DDAH1: variants seen among roughly 807,000 people sequenced by gnomAD.
The protein encoded by DDAH1 is N(G),N(G)-dimethylarginine dimethylaminohydrolase 1.
DDAH1 carries 19 observed loss-of-function variants against 28.8 expected under a neutral mutation model. The ratio of observed to expected loss-of-function variants is 0.66; its 90% confidence interval spans 0.46 to 0.97. The LOEUF is 0.97. Ranked by LOEUF, DDAH1 falls within the 50% of genes least tolerant of loss-of-function variation. The pLI is 0.00. For missense variants in DDAH1, 326 were observed against 375.9 expected, an observed-to-expected ratio of 0.87 and a Z score of 1.10; for synonymous variants, 153 against 154.4, an observed-to-expected ratio of 0.99 and a Z score of 0.07.
At chr1:85,471,084 T>G (rs989402631) in intron 2 of DDAH1, among the ~76,000 whole-genome samples, 1 of 152,192 alleles carries the variant, frequency 6.6e-6, no homozygotes, top group Non-Finnish European at 1.5e-5. Context: ...TTGGTTTTGG[T>G]GAATGGGATA....
At position 85,512,129 on chromosome 1, in the gene DDAH1, T is replaced by C. The variant is rs570828294; in HGVS notation, c.-122-15848A>G. Reference sequence around the variant, plus strand: ...AATACTGGCAAACCGAATCCAGCAGTACATCAAAAAGCTTATCCATCACGA... The same window carrying C: ...AATACTGGCAAACCGAATCCAGCAGCACATCAAAAAGCTTATCCATCACGA... On this transcript the variant is annotated intron_variant, in intron 1 of 6. Transcript: ENST00000426972. Among the ~76,000 whole-genome samples, 9 of 152,108 alleles carry C rather than the reference T, an allele frequency of 5.9e-5. No homozygotes were observed. The South Asian group carries it at 1.9e-3, about 32-fold the overall frequency.
At chr1:85,517,865 C>A (rs1452777827) in intron 1 of DDAH1, among the ~76,000 whole-genome samples, 3 of 152,168 alleles carry the variant, frequency 2.0e-5, no homozygotes, top group Non-Finnish European at 4.4e-5. Context: ...GCTGGCTACT[C>A]ACTGGGCCCT....
chr1:85,340,322 C>T (rs233071), intron 4 of DDAH1, among the ~76,000 whole-genome samples: 53,467 of 152,012 alleles, frequency 0.35, 9,494 homozygotes, highest in South Asian at 0.4. Flanking sequence ...TTTTGATGGT[C>T]TGTTCCTTTG....
At chr1:85,570,363 G>GACACAC (rs1557770693) in intron 1 of DDAH1, among the ~76,000 whole-genome samples, 28 of 46,544 alleles carry the variant, frequency 6.0e-4, no homozygotes, top group African/African-American at 1.7e-3. Flanking sequence ...CACACACACT[G>GACACAC]TCACACACAC....
rs1654491227 is a variant in DDAH1 at position 85,447,557 on chromosome 1, CCTT to C, written c.303+17183_303+17185del. On this transcript the variant is annotated intron_variant, in intron 1 of 5. Transcript: ENST00000284031. ...AGTCTATCCTTACAATCTTCCTCCT[CCTT>C]CTTGCAGGAATATGTTTCAGTTATT... is the stretch of plus-strand genomic sequence containing the variant. 2.0e-5 allele frequency among the ~76,000 whole-genome samples: 3 copies of C among 152,192 alleles called. No homozygotes were observed. In the South Asian group the frequency reaches 6.2e-4, roughly 32 times the overall value.
chr1:85,418,661 T>C (rs144370624), intron 1 of DDAH1, among the ~76,000 whole-genome samples: 7 of 152,344 alleles, frequency 4.6e-5, no homozygotes, highest in Admixed American at 4.6e-4. Context: ...TCTAGCAAGC[T>C]GGAAAATGTA....
chr1:85,533,659 C>A (rs560524649), intron 1 of DDAH1, among the ~76,000 whole-genome samples: 2 of 152,280 alleles, frequency 1.3e-5, no homozygotes, highest in African/African-American at 4.8e-5. Context: ...TCCTGGGAGG[C>A]TGTACAAGAA....
chr1:85,369,222 ATTTTTTT>A (rs34408053), intron 1 of DDAH1, among the ~76,000 whole-genome samples: 1 of 133,770 alleles, frequency 7.5e-6, no homozygotes, highest in Non-Finnish European at 1.6e-5. Flanking sequence ...CCAATGGCCA[ATTTTTTT>A]TTTTTTTTTT....
chr1:85,538,896 G>A (rs1348002729), intron 1 of DDAH1, among the ~76,000 whole-genome samples: 6 of 152,050 alleles, frequency 3.9e-5, no homozygotes, highest in East Asian at 1.9e-4. Flanking sequence ...TTGGAGAAAC[G>A]TTCCAAACGT....
chr1:85,490,013 G>C (rs1656334539), intron 2 of DDAH1, among the ~76,000 whole-genome samples: 1 of 152,152 alleles, frequency 6.6e-6, no homozygotes, highest in Non-Finnish European at 1.5e-5. Context: ...ATTTGATACT[G>C]TTTCAAGAGG....
intron 1 of DDAH1, among the ~76,000 whole-genome samples, chr1:85,460,579 G>A (rs1655083084): frequency 6.6e-6 from 1 of 152,108 alleles, no homozygotes; most frequent in Non-Finnish European, 1.5e-5. Flanking sequence ...AGTCAACAGG[G>A]TACATGACAA....
At chr1:85,452,522 T>C (rs1200748755) in intron 1 of DDAH1, among the ~76,000 whole-genome samples, 2 of 151,912 alleles carry the variant, frequency 1.3e-5, no homozygotes, top group Non-Finnish European at 2.9e-5. Flanking sequence ...TCTATTTCAG[T>C]TCCTTTACAA....
intron 1 of DDAH1, among the ~76,000 whole-genome samples, chr1:85,460,201 C>T (rs941276368): frequency 1.3e-5 from 2 of 152,148 alleles, no homozygotes; most frequent in African/African-American, 4.8e-5. Flanking sequence ...CACTTGCCTC[C>T]AGGATGAACA....
rs1570563030 is a variant in DDAH1 at position 85,452,479 on chromosome 1, T to C, written c.303+12264A>G. ...TACATGAAACATTACCTAGCTATAT[T>C]ATGGGTTGCGAATACACTCTGATAT... On this transcript the variant is annotated intron_variant, in intron 1 of 5. Coordinates refer to ENST00000284031, the MANE Select transcript of DDAH1 (RefSeq NM_012137.4). Among the ~76,000 whole-genome samples the C allele has an allele frequency of 2.0e-5, 3 of 152,202 alleles. No homozygotes were observed. In the East Asian group the frequency reaches 5.8e-4, roughly 29 times the overall value.
chr1:85,508,118 T>C (rs1453230518), intron 1 of DDAH1, among the ~76,000 whole-genome samples: 1 of 152,242 alleles, frequency 6.6e-6, no homozygotes, highest in Non-Finnish European at 1.5e-5. Flanking sequence ...TTTGTACTTT[T>C]TACATTTAGG....
chr1:85,541,203 A>G (rs1410363389), intron 1 of DDAH1, among the ~76,000 whole-genome samples: 2 of 152,204 alleles, frequency 1.3e-5, no homozygotes, highest in Admixed American at 6.5e-5. Flanking sequence ...GGGCCTGCAT[A>G]GTAGCACTTT....
chr1:85,404,888 G>A (rs910670385), intron 1 of DDAH1, among the ~76,000 whole-genome samples: 4 of 152,162 alleles, frequency 2.6e-5, no homozygotes, highest in African/African-American at 9.7e-5. Context: ...TTCTTTGAGG[G>A]AACGCCATTT....
At chr1:85,536,742 A>C (rs1658291894) in intron 1 of DDAH1, among the ~76,000 whole-genome samples, 1 of 152,016 alleles carries the variant, frequency 6.6e-6, no homozygotes, top group African/African-American at 2.4e-5. Context: ...ATTATAGGAA[A>C]ACAATATGGA....
chr1:85,502,281 G>A (rs1370225531), intron 1 of DDAH1, among the ~76,000 whole-genome samples: 1 of 152,154 alleles, frequency 6.6e-6, no homozygotes, highest in African/African-American at 2.4e-5. Context: ...TGCTACTGGT[G>A]GTTGCCCAAC....
Sources: gnomAD v4.1 joint callset for allele counts (sites outside exome capture counted in the v4.1 genomes callset) on GRCh38, gnomAD v4.1.1 for gene constraint, MANE v1.5 for transcripts, NCBI Gene and HGNC (gene_info 2026-07-23, HGNC 2026-07-21) for gene names.